Variants in SNORC observed in about 807,000 individuals in gnomAD.
SNORC encodes the protein protein SNORC.
Under a neutral mutation model 9.7 loss-of-function variants are expected in SNORC, and 11 were observed. The observed-to-expected ratio is 1.14, with a 90% CI of 0.72 to 1.88. SNORC has a LOEUF of 1.88. SNORC is among the 40% of genes most tolerant of loss of function. SNORC has a pLI of 0.00. For missense variants in SNORC, 197 were observed against 173.1 expected (o/e 1.14, Z -0.77); for synonymous variants, 108 against 88.7 (o/e 1.22, Z -1.22).
downstream of SNORC, chr2:232,877,117 C>G: frequency 1.0e-6 from 1 of 986,002 alleles, no homozygotes; most frequent in Non-Finnish European, 1.2e-6. Context: ...CCCCCTCTGC[C>G]CAGGGAGCCT....
At chr2:232,870,836 T>G (rs767574125) in intron 1 of SNORC, among the ~76,000 whole-genome samples, 42 of 152,184 alleles carry the variant, frequency 2.8e-4, no homozygotes, top group Non-Finnish European at 5.0e-4. Flanking sequence ...TGCTGGTTTC[T>G]GCGACGTCCT....
intron 1 of SNORC, among the ~76,000 whole-genome samples, chr2:232,875,147 C>G (rs1395824485): frequency 6.6e-6 from 1 of 152,204 alleles, no homozygotes; most frequent in Non-Finnish European, 1.5e-5. Context: ...CAAAATCAGC[C>G]TGGCCAACAT....
In SNORC at chr2:232,876,376, C is replaced by T. The variant is rs1353222973; in HGVS notation, c.*20C>T. 22 of 1,516,102 alleles carry T rather than the reference C, an allele frequency of 1.5e-5. No individual in the cohort carries two copies. The highest frequency in any genetic ancestry group is 1.8e-5 in the Non-Finnish European group (21 of 1,137,790). The allele number at this position is 1,516,102 out of a possible 1,614,324, so 93.9% of individuals were successfully genotyped here. A position where few individuals can be genotyped will look rare whatever the true frequency, so the allele number is the denominator to read the frequency against. On this transcript the variant is annotated 3_prime_UTR_variant, in exon 3 of 3. Transcript: ENST00000331342. The surrounding 1 kb of genome is among the most constrained non-coding windows in gnomAD (Gnocchi z 6.8). ...TCCTGAAGCGAATAAAGGGGCCGCGCCCGGCCGCGGCGCGACTCGGCTGCA... is the reference window on the plus strand; with the variant it reads ...TCCTGAAGCGAATAAAGGGGCCGCGTCCGGCCGCGGCGCGACTCGGCTGCA...
downstream of SNORC, chr2:232,877,279 A>C: frequency 1.0e-6 from 1 of 985,234 alleles, no homozygotes; most frequent in Non-Finnish European, 1.2e-6. Context: ...TACTCACCTC[A>C]CTTCACCCTC....
chr2:232,876,637 G>A (rs1559183559), downstream of SNORC: 1 of 1,036,358 alleles, frequency 9.6e-7, no homozygotes, highest in East Asian at 8.2e-5. This position sits in a 1 kb window ranked among gnomAD's most constrained non-coding sequence, Gnocchi z 6.8. Flanking sequence ...GCGCGCGCAG[G>A]GCCGCGCGGC....
chr2:232,875,568 G>T, intron 1 of SNORC: 1 of 393,850 alleles, frequency 2.5e-6, no homozygotes, highest in Non-Finnish European at 5.1e-6. Context: ...GAGGATACAG[G>T]GCGGGGGTTA....
downstream of SNORC, chr2:232,876,448 G>A: frequency 7.1e-7 from 1 of 1,413,742 alleles, no homozygotes; most frequent in Non-Finnish European, 9.1e-7. The surrounding 1 kb of genome is among the most constrained non-coding windows in gnomAD (Gnocchi z 6.8). Flanking sequence ...GCGCATGCAG[G>A]TGTGCCAGAG....
At chr2:232,870,237 T>G, upstream of SNORC, 5 of 1,089,220 alleles carry the variant, frequency 4.6e-6, no homozygotes, top group South Asian at 6.7e-5. Flanking sequence ...TTTGCATTGA[T>G]GAAAACCCTT....
rs186247973 is a variant in SNORC at position 232,875,858 on chromosome 2, A to G, written c.74-82A>G. On this transcript the variant is annotated intron_variant, in intron 1 of 2. Coordinates refer to ENST00000331342, the Ensembl canonical transcript of SNORC. ...GACCCCTCACACAGCGCTACCGGCAACTTGCTTAACCTAGAGGTGGGGGGT... is the reference window on the plus strand; with the variant it reads ...GACCCCTCACACAGCGCTACCGGCAGCTTGCTTAACCTAGAGGTGGGGGGT... The G allele has an allele frequency of 1.4e-4, 192 of 1,402,292 alleles. No homozygotes were observed. In the Middle Eastern group the frequency reaches 2.0e-3, roughly 15 times the overall value. 86.9% of individuals were successfully genotyped at this position (1,402,292 alleles called of 1,614,324 possible).
chr2:232,872,792 A>C (rs1250467556), intron 1 of SNORC, among the ~76,000 whole-genome samples: 1 of 152,180 alleles, frequency 6.6e-6, no homozygotes, highest in Non-Finnish European at 1.5e-5. Context: ...ATTTGGGGGA[A>C]GATGGGAATT....
At chr2:232,870,366 A>C (rs1459584495) in exon 1 of SNORC, 10 of 1,567,852 alleles carry the variant, frequency 6.4e-6, no homozygotes, top group Non-Finnish European at 8.6e-6. Context: ...GGCCCTGCGC[A>C]TGGCGCTGCT....
chr2:232,867,858 G>T (rs1027756835), upstream of SNORC, among the ~76,000 whole-genome samples: 1 of 152,094 alleles, frequency 6.6e-6, no homozygotes, highest in African/African-American at 2.4e-5. Flanking sequence ...TCTCCTTTCC[G>T]CCAGTGCCCA....
At chr2:232,867,232 A>AGT (rs1485453146), upstream of SNORC, among the ~76,000 whole-genome samples, 2 of 152,240 alleles carry the variant, frequency 1.3e-5, no homozygotes, top group Non-Finnish European at 2.9e-5. Context: ...TCGAATGACT[A>AGT]GTACTACTGT....
chr2:232,875,014 G>A (rs372483459), intron 1 of SNORC, among the ~76,000 whole-genome samples: 1 of 152,240 alleles, frequency 6.6e-6, no homozygotes, highest in East Asian at 1.9e-4. Flanking sequence ...AGGGTCGAGT[G>A]TCCCTGGATC....
At chr2:232,872,155 G>A (rs1691051155) in intron 1 of SNORC, among the ~76,000 whole-genome samples, 1 of 152,120 alleles carries the variant, frequency 6.6e-6, no homozygotes. Context: ...GGGAGCTCTG[G>A]ACAGGTGTGT....
intron 1 of SNORC, among the ~76,000 whole-genome samples, chr2:232,874,511 C>T (rs1691144816): frequency 6.6e-6 from 1 of 152,216 alleles, no homozygotes; most frequent in Non-Finnish European, 1.5e-5. Context: ...TTTTTCCTAA[C>T]TTTGACATTT....
downstream of SNORC, chr2:232,876,766 C>T (rs1332268393): frequency 1.0e-5 from 10 of 985,304 alleles, no homozygotes; most frequent in African/African-American, 1.7e-5. This position sits in a 1 kb window ranked among gnomAD's most constrained non-coding sequence, Gnocchi z 6.8. Flanking sequence ...GCGGTCTTAG[C>T]CCGTCCGGGG....
Position 232,876,334 on chromosome 2 carries a change from T to A in SNORC, c.344T>A (p.Leu115Gln). 3.2e-6 allele frequency: 5 copies of A among 1,545,082 alleles called. No individual in the cohort carries two copies. Among genetic ancestry groups the A allele is most frequent in the Non-Finnish European group, 4.4e-6 (5 of 1,149,242 alleles). ...GTGCTGGCGCTCGTGGTCGTCGCGC[T>A]GAGAAAGTTTTCTGCCTCCTGAAGC... Residue 115 changes from leucine (L) to glutamine (Q), a missense_variant, in exon 3 of 3, where the codon CTG becomes CAG. Transcript: ENST00000331342. The surrounding 1 kb of genome is among the most constrained non-coding windows in gnomAD (Gnocchi z 6.8).
intron 1 of SNORC, among the ~76,000 whole-genome samples, chr2:232,874,178 G>A (rs977490323): frequency 2.0e-5 from 3 of 152,242 alleles, no homozygotes; most frequent in African/African-American, 7.2e-5. Flanking sequence ...TGAACTCCAG[G>A]AGTCCATCCA....
Sources: gnomAD v4.1 joint callset for allele counts (sites outside exome capture counted in the v4.1 genomes callset) on GRCh38, gnomAD v4.1.1 for gene constraint, Gnocchi (gnomAD v3.1) non-coding constraint, MANE v1.5 for transcripts, NCBI Gene and HGNC (gene_info 2026-07-23, HGNC 2026-07-21) for gene names.